The following XKR9 variants were observed in gnomAD, a reference collection of about 807,000 sequenced individuals.
XKR9 encodes the protein XK-related protein 9.
XKR9 carries 32 observed loss-of-function variants against 32.0 expected under a neutral mutation model. The ratio of observed to expected loss-of-function variants is 1.00; its 90% confidence interval spans 0.76 to 1.34. The LOEUF is 1.34. XKR9 is among the 40% of genes most tolerant of loss of function. XKR9 has a pLI of 0.00. For synonymous variants in XKR9, 168 were observed against 143.4 expected (o/e 1.17, Z -1.22); for missense variants, 546 against 429.7 (o/e 1.27, Z -2.39).
chr8:70,729,672 TCTGTTAC>T (rs1271476331), intron 4 of XKR9, among the ~76,000 whole-genome samples: 1 of 152,044 alleles, frequency 6.6e-6, no homozygotes, highest in Non-Finnish European at 1.5e-5. Context: ...GACAAGAAAA[TCTGTTAC>T]CTCTGTGGTA....
intron 3 of XKR9, among the ~76,000 whole-genome samples, chr8:70,694,178 G>T (rs1003143580): frequency 1.3e-5 from 2 of 152,222 alleles, no homozygotes; most frequent in African/African-American, 4.8e-5. Flanking sequence ...CAGCTTAAAG[G>T]CACCTGTAGG....
chr8:70,789,999 C>T (rs976675595), intron 3 of XKR9: 2 of 151,442 alleles, frequency 1.3e-5, no homozygotes, highest in East Asian at 3.9e-4. Flanking sequence ...GAGATAAGAA[C>T]AGCTATACTC....
At chr8:70,713,345 A>C (rs1406211798) in intron 4 of XKR9, among the ~76,000 whole-genome samples, 1 of 152,172 alleles carries the variant, frequency 6.6e-6, no homozygotes, top group East Asian at 1.9e-4. Flanking sequence ...AGGAGAGAAG[A>C]GAAAGAATGG....
chr8:70,861,262 C>T, the XKR9 span, among the ~76,000 whole-genome samples: 2,682 of 152,148 alleles, frequency 0.018, 74 homozygotes, highest in African/African-American at 0.062. Flanking sequence ...TTCCTCCACT[C>T]GGTAGTTGTG....
At chr8:71,041,528 C>T in the XKR9 span, among the ~76,000 whole-genome samples, 1 of 152,068 alleles carries the variant, frequency 6.6e-6, no homozygotes. Context: ...AATGATCGAA[C>T]TCATGCTGAT....
At chr8:70,945,894 T>C in the XKR9 span, among the ~76,000 whole-genome samples, 2 of 152,204 alleles carry the variant, frequency 1.3e-5, no homozygotes, top group African/African-American at 2.4e-5. Flanking sequence ...CTTAGCACTT[T>C]GTGCGGCCGA....
intron 4 of XKR9, among the ~76,000 whole-genome samples, chr8:70,720,244 A>G (rs561915910): frequency 5.9e-4 from 90 of 152,272 alleles, no homozygotes; most frequent in African/African-American, 2.1e-3. Flanking sequence ...TCACCTGCAA[A>G]CAGAGACAAT....
chr8:70,776,947 C>CTCTCTCTCTCTCTCTCTCTCTCTATATA, intron 2 of XKR9, among the ~76,000 whole-genome samples: 12 of 54,206 alleles, frequency 2.2e-4, no homozygotes, highest in African/African-American at 7.9e-4. Flanking sequence ...CTCTCTCTCT[C>CTCTCTCTCTCTCTCTCTCTCTCTATATA]TATATATATA....
intron 2 of XKR9, among the ~76,000 whole-genome samples, chr8:70,784,063 G>T (rs1363696671): frequency 1.5e-4 from 23 of 152,104 alleles, no homozygotes; most frequent in African/African-American, 2.4e-5. Flanking sequence ...TGTTCTATAT[G>T]TCTACTTTAA....
At chr8:70,738,794 T>G (rs1806910415), downstream of XKR9, among the ~76,000 whole-genome samples, 1 of 152,226 alleles carries the variant, frequency 6.6e-6, no homozygotes, top group Non-Finnish European at 1.5e-5. Context: ...GTGAGTTTCT[T>G]AATCCTGAGT....
At chr8:70,793,379 G>A (rs535918398), downstream of XKR9, among the ~76,000 whole-genome samples, 36 of 152,178 alleles carry the variant, frequency 2.4e-4, no homozygotes, top group African/African-American at 8.4e-4. Context: ...GGATTAATGA[G>A]TTATTTTGGG....
intron 4 of XKR9, among the ~76,000 whole-genome samples, chr8:70,709,797 G>A (rs1805847769): frequency 6.6e-6 from 1 of 152,130 alleles, no homozygotes; most frequent in African/African-American, 2.4e-5. Flanking sequence ...AAAGAAATCG[G>A]TGGTGACACA....
At chr8:70,700,671 A>G (rs960113445) in intron 3 of XKR9, among the ~76,000 whole-genome samples, 1 of 152,192 alleles carries the variant, frequency 6.6e-6, no homozygotes, top group Non-Finnish European at 1.5e-5. Context: ...GCCCGTTCTG[A>G]GATCTCCAGC....
chr8:71,050,280 GATATAGATATAGATATATAT>G, the XKR9 span, among the ~76,000 whole-genome samples: 3 of 130,342 alleles, frequency 2.3e-5, no homozygotes, highest in Admixed American at 2.5e-4. Flanking sequence ...GATAGATATA[GATATAGATATAGATATATAT>G]ATAGATATAG....
In XKR9 at chr8:70,734,513, T is replaced by A; in HGVS notation, c.*89T>A. The A allele has an allele frequency of 7.3e-7, 1 of 1,373,768 alleles. No homozygotes were observed. Among genetic ancestry groups the A allele is most frequent in the Non-Finnish European group, 9.4e-7 (1 of 1,069,188 alleles). The allele number at this position is 1,373,768 out of a possible 1,614,324, so 85.1% of individuals were successfully genotyped here. ...GTTATGTGGGTGTGTTGTCTCTTAT[T>A]TTTGCCACCTTTAATTTGAAATTAG... On this transcript the variant is annotated 3_prime_UTR_variant, in exon 5 of 5. Coordinates refer to ENST00000408926, the MANE Select transcript of XKR9 (RefSeq NM_001011720.2).
At chr8:70,713,049 C>T (rs1388332209) in intron 4 of XKR9, among the ~76,000 whole-genome samples, 1 of 151,752 alleles carries the variant, frequency 6.6e-6, no homozygotes, top group Non-Finnish European at 1.5e-5. Context: ...GTTTAAAGAA[C>T]TAAAAGATGA....
At chr8:71,017,469 C>T in the XKR9 span, among the ~76,000 whole-genome samples, 1 of 152,040 alleles carries the variant, frequency 6.6e-6, no homozygotes, top group Non-Finnish European at 1.5e-5. Flanking sequence ...GGATTGAAGT[C>T]ATGATGGGAT....
At chr8:70,812,693 T>C in the XKR9 span, among the ~76,000 whole-genome samples, 1 of 152,122 alleles carries the variant, frequency 6.6e-6, no homozygotes, top group Non-Finnish European at 1.5e-5. Context: ...CCATTCACAA[T>C]TGCTTCAAAG....
the XKR9 span, among the ~76,000 whole-genome samples, chr8:71,050,256 TATATAGATAGATAGATAG>T: frequency 7.6e-6 from 1 of 130,898 alleles, no homozygotes; most frequent in African/African-American, 3.3e-5. Context: ...TATATATATA[TATATAGATAGATAGATAG>T]ATATAGATAT....
Sources: gnomAD v4.1 joint callset for allele counts (sites outside exome capture counted in the v4.1 genomes callset) on GRCh38, gnomAD v4.1.1 for gene constraint, MANE v1.5 for transcripts, NCBI Gene and HGNC (gene_info 2026-07-23, HGNC 2026-07-21) for gene names.